DAB1: variants seen among roughly 807,000 people sequenced by gnomAD.
The protein encoded by DAB1 is DAB adaptor protein 1.
Under a neutral mutation model 64.6 loss-of-function variants are expected in DAB1, and 15 were observed. The ratio of observed to expected loss-of-function variants is 0.23; its 90% CI spans 0.16 to 0.36. The LOEUF (loss-of-function observed/expected upper bound fraction) is 0.36, where lower values mean the gene tolerates loss of function less well. Ranked by LOEUF, DAB1 falls within the 10% of genes least tolerant of loss-of-function variation. The pLI is 1.00. For missense variants in DAB1, 596 were observed against 706.7 expected, an observed-to-expected ratio of 0.84 and a Z score of 1.78; for synonymous variants, 235 against 251.9, an observed-to-expected ratio of 0.93 and a Z score of 0.64.
rs145494943 is a variant in DAB1 at position 57,642,800 on chromosome 1, C to T, written n.625+6792G>A. The stretch of plus-strand genomic sequence containing the variant: ...AAATCTTTAGCAGAGAATAACTCTC[C>T]GGGGCATTTTTTGTTCCATTTCATT... On this transcript the variant is annotated intron_variant and non_coding_transcript_variant, in intron 7 of 20. Coordinates refer to the DAB1 transcript ENST00000485760. 9.9e-5 allele frequency among the ~76,000 whole-genome samples: 15 copies of T among 152,202 alleles called. No individual in the cohort carries two copies. In the East Asian group the frequency reaches 2.7e-3, roughly 28 times the overall value.
At chr1:58,362,324 C>T (rs1368930309) in intron 3 of DAB1, among the ~76,000 whole-genome samples, 1 of 152,160 alleles carries the variant, frequency 6.6e-6, no homozygotes, top group Non-Finnish European at 1.5e-5. Context: ...AAGGTTGGTC[C>T]CTCCTAGTGG....
intron 7 of DAB1, among the ~76,000 whole-genome samples, chr1:57,558,004 G>A (rs1341365106): frequency 7.8e-6 from 1 of 128,862 alleles, no homozygotes; most frequent in African/African-American, 2.7e-5. Flanking sequence ...CTTCTATCAT[G>A]TGAGTGGCTG....
At chr1:58,410,574 G>T (rs1644658631) in intron 3 of DAB1, among the ~76,000 whole-genome samples, 1 of 152,170 alleles carries the variant, frequency 6.6e-6, no homozygotes, top group African/African-American at 2.4e-5. Context: ...AGGCTGAGCA[G>T]GTCTTACTAG....
At chr1:57,992,342 A>G (rs1646357131) in intron 5 of DAB1, among the ~76,000 whole-genome samples, 1 of 152,150 alleles carries the variant, frequency 6.6e-6, no homozygotes, top group Non-Finnish European at 1.5e-5. Flanking sequence ...AAAATTCATC[A>G]AGTTCCATAG....
At chr1:58,201,906 C>CA (rs1180143900) in intron 4 of DAB1, among the ~76,000 whole-genome samples, 2 of 152,120 alleles carry the variant, frequency 1.3e-5, no homozygotes, top group Non-Finnish European at 2.9e-5. Flanking sequence ...TGATAGGTAG[C>CA]AGAGTATGGC....
chr1:57,922,873 T>C (rs1644829761), intron 5 of DAB1, among the ~76,000 whole-genome samples: 1 of 142,402 alleles, frequency 7.0e-6, no homozygotes, highest in Admixed American at 6.8e-5. Flanking sequence ...AAAAAAGATT[T>C]GAAAAGTTTT....
At chr1:58,343,998 A>G (rs1225871330) in intron 3 of DAB1, among the ~76,000 whole-genome samples, 1 of 152,196 alleles carries the variant, frequency 6.6e-6, no homozygotes, top group Non-Finnish European at 1.5e-5. Flanking sequence ...TGGGCACTCA[A>G]CAATGTCTCC....
chr1:58,074,594 A>ACATATATATGTG, intron 5 of DAB1, among the ~76,000 whole-genome samples: 1 of 112,378 alleles, frequency 8.9e-6, no homozygotes, highest in African/African-American at 3.4e-5. Context: ...ATATATATAT[A>ACATATATATGTG]TTTGAGAAAC....
chr1:58,375,133 C>G (rs1244141315), intron 3 of DAB1, among the ~76,000 whole-genome samples: 2 of 149,698 alleles, frequency 1.3e-5, no homozygotes, highest in Non-Finnish European at 3.0e-5. Context: ...CAAACAGGGA[C>G]AATTTGACTT....
At chr1:58,387,274 T>C (rs571160853) in intron 3 of DAB1, among the ~76,000 whole-genome samples, 1 of 152,174 alleles carries the variant, frequency 6.6e-6, no homozygotes, top group South Asian at 2.1e-4. Flanking sequence ...TAAACTGACA[T>C]AGACAGATTA....
intron 1 of DAB1, among the ~76,000 whole-genome samples, chr1:57,326,171 A>G (rs1330709141): frequency 6.6e-6 from 1 of 152,246 alleles, no homozygotes; most frequent in Non-Finnish European, 1.5e-5. Flanking sequence ...TGACTGCTCC[A>G]GATCTTTCCA....
At chr1:58,140,463 T>A (rs3850536) in intron 5 of DAB1, among the ~76,000 whole-genome samples, 28,728 of 152,086 alleles carry the variant, frequency 0.19, 2,911 homozygotes, top group East Asian at 0.36. Flanking sequence ...CATGGAAATA[T>A]AAAGGCATCA....
chr1:57,461,943 CTTT>C (rs545743407), intron 7 of DAB1, among the ~76,000 whole-genome samples: 19 of 100,338 alleles, frequency 1.9e-4, no homozygotes, highest in African/African-American at 3.7e-4. Flanking sequence ...AAGATATACT[CTTT>C]TTTTTTTTTT....
chr1:57,512,030 C>T (rs1644412080), intron 7 of DAB1, among the ~76,000 whole-genome samples: 1 of 152,178 alleles, frequency 6.6e-6, no homozygotes, highest in Admixed American at 6.5e-5. Context: ...TACAACCACA[C>T]TAGGAGATAG....
chr1:57,302,697 G>T (rs1022187611), intron 1 of DAB1, among the ~76,000 whole-genome samples: 162 of 152,042 alleles, frequency 1.1e-3, no homozygotes, highest in Non-Finnish European at 1.8e-3. Context: ...TCCAACTCCT[G>T]GGTTCGAGGG....
intron 6 of DAB1, among the ~76,000 whole-genome samples, chr1:57,811,923 C>T (rs139232221): frequency 6.6e-6 from 1 of 152,128 alleles, no homozygotes; most frequent in African/African-American, 2.4e-5. Flanking sequence ...GGAGCTTAGC[C>T]TAGTGAGGAG....
At chr1:58,447,822 G>A (rs1460832876) in intron 3 of DAB1, among the ~76,000 whole-genome samples, 1 of 149,648 alleles carries the variant, frequency 6.7e-6, no homozygotes, top group Non-Finnish European at 1.5e-5. Flanking sequence ...AGTTTTGCCT[G>A]TGAGTAGCAT....
chr1:57,958,062 T>C (rs1042604168), intron 5 of DAB1, among the ~76,000 whole-genome samples: 2 of 151,862 alleles, frequency 1.3e-5, no homozygotes, highest in Non-Finnish European at 2.9e-5. Flanking sequence ...TCAGCTCACT[T>C]CAACCTCTGC....
At chr1:57,916,921 T>C (rs1056924320) in intron 5 of DAB1, among the ~76,000 whole-genome samples, 1 of 151,326 alleles carries the variant, frequency 6.6e-6, no homozygotes, top group African/African-American at 2.4e-5. Flanking sequence ...CCAGCCTGGG[T>C]GTCAAGAGCG....
Sources: allele counts gnomAD v4.1 joint callset (sites outside exome capture counted in the v4.1 genomes callset), GRCh38; gene constraint gnomAD v4.1.1; transcripts MANE v1.5; gene names NCBI Gene and HGNC (gene_info 2026-07-23, HGNC 2026-07-21).